Variants in FBXL20 observed in about 807,000 individuals in gnomAD.
The protein encoded by FBXL20 is F-box and leucine rich repeat protein 20.
FBXL20 carries 11 observed loss-of-function variants against 64.0 expected under a neutral mutation model. The observed-to-expected ratio is 0.17, with a 90% CI of 0.11 to 0.28. The LOEUF (loss-of-function observed/expected upper bound fraction) is 0.28, where lower values mean the gene tolerates loss of function less well. Among genes scored for constraint, FBXL20 ranks in the 10% least tolerant of loss-of-function variants. The pLI, the probability that FBXL20 is intolerant of heterozygous loss-of-function variation, is 1.00. For missense variants in FBXL20, 303 were observed against 526.2 expected (o/e 0.58, Z 4.15); for synonymous variants, 184 against 189.0 (o/e 0.97, Z 0.22).
chr17:39,314,624 G>T (rs1432084828), intron 2 of FBXL20, among the ~76,000 whole-genome samples: 1 of 149,992 alleles, frequency 6.7e-6, no homozygotes. Flanking sequence ...GCCTCCCAAA[G>T]TGCTGGGATT....
intron 1 of FBXL20, among the ~76,000 whole-genome samples, chr17:39,390,992 GAGACAGCTCCACTGCAC>G (rs981241381): frequency 6.6e-6 from 1 of 152,204 alleles, no homozygotes; most frequent in African/African-American, 2.4e-5. Context: ...GCACTGAGCA[GAGACAGCTCCACTGCAC>G]TCCAGCTTGT....
In FBXL20 at chr17:39,253,804, T is replaced by C. The variant is rs1597752308; in HGVS notation, c.*7656A>G. On this transcript the variant is annotated 3_prime_UTR_variant, in exon 15 of 15. Coordinates refer to ENST00000264658, the MANE Select transcript of FBXL20 (RefSeq NM_032875.3). ...AAAGGTTTCACTTACTAAAAATCTA[T>C]TATATAGGAAAGAAAATTATTTGTC... 1 of 152,280 alleles carries C rather than the reference T, an allele frequency of 6.6e-6. No homozygotes were observed. The highest frequency in any genetic ancestry group is 1.9e-4 in the East Asian group (1 of 5,220). The allele number at this position is 152,280 out of a possible 1,614,324, so 9.4% of individuals were successfully genotyped here.
chr17:39,292,640 T>TTGA (rs151046225), intron 6 of FBXL20, among the ~76,000 whole-genome samples: 2 of 151,486 alleles, frequency 1.3e-5, no homozygotes, highest in African/African-American at 4.9e-5. Flanking sequence ...TTCTTTTTTT[T>TTGA]GAGAGTTTTT....
intron 6 of FBXL20, among the ~76,000 whole-genome samples, chr17:39,296,074 A>G (rs545404503): frequency 3.9e-5 from 6 of 152,276 alleles, no homozygotes; most frequent in Admixed American, 3.9e-4. Context: ...AGTGTTAATT[A>G]CATGTCACTT....
chr17:39,302,305 G>A (rs757735152), intron 3 of FBXL20, among the ~76,000 whole-genome samples: 89 of 151,472 alleles, frequency 5.9e-4, no homozygotes, highest in Middle Eastern at 3.5e-3. Context: ...TGACCTCCCC[G>A]ACTCAAGCAA....
rs80346776 is a variant in FBXL20, at chr17:39,400,306, T to C, written c.42+1055A>G. On this transcript the variant is annotated intron_variant, in intron 1 of 14. Transcript: ENST00000264658. Reference sequence around the variant, plus strand: ...TAAGAAATCAAAGAATAGATTAAACTGACAACCCTTAAAAGTTTTCACACC... The same window carrying C: ...TAAGAAATCAAAGAATAGATTAAACCGACAACCCTTAAAAGTTTTCACACC... 6.2e-4 allele frequency among the ~76,000 whole-genome samples: 94 copies of C among 152,326 alleles called. 5 individuals are homozygous for C. The East Asian group carries it at 0.012, about 20-fold the overall frequency.
intron 1 of FBXL20, among the ~76,000 whole-genome samples, chr17:39,386,174 G>GT (rs2048077925): frequency 6.6e-6 from 1 of 151,444 alleles, no homozygotes; most frequent in Non-Finnish European, 1.5e-5. Context: ...AAACCCGGTG[G>GT]TACGTGCCTG....
intron 1 of FBXL20, among the ~76,000 whole-genome samples, chr17:39,396,318 G>A (rs1351703213): frequency 2.6e-5 from 4 of 152,088 alleles, no homozygotes; most frequent in Non-Finnish European, 4.4e-5. Context: ...TGACCAGGCC[G>A]GGTGTCGTGG....
intron 7 of FBXL20, among the ~76,000 whole-genome samples, chr17:39,283,578 ATTT>A (rs1377291137): frequency 6.6e-6 from 1 of 152,082 alleles, no homozygotes; most frequent in Admixed American, 6.6e-5. Context: ...ACCCAGCTGC[ATTT>A]TGGATTTTTG....
intron 1 of FBXL20, among the ~76,000 whole-genome samples, chr17:39,348,352 T>C (rs1193693832): frequency 6.6e-6 from 1 of 152,116 alleles, no homozygotes; most frequent in Non-Finnish European, 1.5e-5. Flanking sequence ...TTCCAGCTAC[T>C]TGGGAGGCTG....
chr17:39,386,150 T>C (rs561149087), intron 1 of FBXL20, among the ~76,000 whole-genome samples: 2 of 150,022 alleles, frequency 1.3e-5, no homozygotes, highest in African/African-American at 5.0e-5. Context: ...CAGACTACCA[T>C]GGCTAACACA....
intron 2 of FBXL20, among the ~76,000 whole-genome samples, chr17:39,338,347 T>C (rs989519687): frequency 6.6e-6 from 1 of 152,190 alleles, no homozygotes; most frequent in African/African-American, 2.4e-5. Context: ...AGCATGCTCA[T>C]TAAGAGTCAT....
chr17:39,384,285 T>C (rs35853230), intron 1 of FBXL20, among the ~76,000 whole-genome samples: 7,829 of 152,080 alleles, frequency 0.051, 665 homozygotes, highest in African/African-American at 0.18. Context: ...CTCAGCACTT[T>C]AGGTGGCCGA....
At position 39,303,604 on chromosome 17, in the gene FBXL20, C is replaced by T. The variant is rs2144457564; in HGVS notation, c.140G>A (p.Arg47His). ...ACTTACCCTGGAGACCTGAGCACAG[C>T]GGCACAGGGTAACAACATCTAGAAA... Reference protein sequence around the residue: ...FSFLDVVTLCRCAQVSRAWNV... With the variant: ...FSFLDVVTLCHCAQVSRAWNV... Residue 47 changes from arginine (R) to histidine (H), a missense_variant, in exon 3 of 15, where the codon CGC becomes CAC. Arg to His is a conservative substitution (Grantham distance 29). Transcript: ENST00000264658. 7 of 1,610,502 alleles carry T rather than the reference C, an allele frequency of 4.3e-6. No individual in the cohort carries two copies. The highest frequency in any genetic ancestry group is 5.1e-6 in the Non-Finnish European group (6 of 1,178,288).
At chr17:39,383,109 G>T (rs1168357568) in intron 1 of FBXL20, among the ~76,000 whole-genome samples, 1 of 147,762 alleles carries the variant, frequency 6.8e-6, no homozygotes, top group Non-Finnish European at 1.5e-5. Flanking sequence ...GTTGCAGTGA[G>T]CCGAGATCAC....
chr17:39,386,061 C>A (rs1223158784), intron 1 of FBXL20, among the ~76,000 whole-genome samples: 1 of 141,112 alleles, frequency 7.1e-6, no homozygotes, highest in Non-Finnish European at 1.5e-5. Context: ...ACTAATCAGT[C>A]CTGCTGGGCG....
At chr17:39,266,728 T>C (rs1171653097) in intron 12 of FBXL20, among the ~76,000 whole-genome samples, 1 of 152,238 alleles carries the variant, frequency 6.6e-6, no homozygotes, top group Non-Finnish European at 1.5e-5. Flanking sequence ...TCGGTTTAAA[T>C]CCCATTGGCT....
intron 2 of FBXL20, among the ~76,000 whole-genome samples, chr17:39,320,225 A>G (rs2047342554): frequency 6.6e-6 from 1 of 150,456 alleles, no homozygotes; most frequent in South Asian, 2.1e-4. Context: ...TAGATCAACT[A>G]TCTATACTTG....
At chr17:39,368,400 C>A (rs6503506) in intron 1 of FBXL20, among the ~76,000 whole-genome samples, 59,419 of 151,874 alleles carry the variant, frequency 0.39, 15,275 homozygotes, top group African/African-American at 0.73. Context: ...TCTAAAAAAA[C>A]TTAAAAATTT....
Sources: gnomAD v4.1 joint callset for allele counts (sites outside exome capture counted in the v4.1 genomes callset) on GRCh38, gnomAD v4.1.1 for gene constraint, MANE v1.5 for transcripts, NCBI Gene and HGNC (gene_info 2026-07-23, HGNC 2026-07-21) for gene names.